Variants in GRB2 observed in about 807,000 individuals in gnomAD.
GRB2 encodes the protein growth factor receptor-bound protein 2.
A neutral mutation model predicts 27.4 loss-of-function variants in GRB2; 2 were observed. The observed-to-expected ratio is 0.07, with a 90% CI of 0.03 to 0.23. GRB2 has a LOEUF of 0.23. Ranked by LOEUF, GRB2 falls within the 10% of genes least tolerant of loss-of-function variation. The pLI is 1.00. For synonymous variants in GRB2, 94 were observed against 99.6 expected (o/e 0.94, Z 0.33); for missense variants, 102 against 282.4 (o/e 0.36, Z 4.58).
At chr17:75,349,596 C>T (rs1047838114) in intron 2 of GRB2, among the ~76,000 whole-genome samples, 2 of 151,498 alleles carry the variant, frequency 1.3e-5, no homozygotes, top group African/African-American at 2.4e-5. Flanking sequence ...CTGCAACCCC[C>T]GCACCCTCTG....
chr17:75,322,429 G>A (rs1051393626), intron 4 of GRB2, among the ~76,000 whole-genome samples: 11 of 150,642 alleles, frequency 7.3e-5, no homozygotes, highest in East Asian at 3.9e-4. Context: ...AAAAACAGCC[G>A]TACTTAAGAC....
intron 2 of GRB2, among the ~76,000 whole-genome samples, chr17:75,342,268 G>A (rs534568159): frequency 4.6e-5 from 7 of 152,194 alleles, no homozygotes; most frequent in Admixed American, 3.9e-4. Flanking sequence ...AATGAAGCTG[G>A]CTCCATACCC....
intron 2 of GRB2, among the ~76,000 whole-genome samples, chr17:75,340,310 T>A (rs1293694109): frequency 6.6e-6 from 1 of 152,228 alleles, no homozygotes; most frequent in Non-Finnish European, 1.5e-5. Context: ...ACACCATTTA[T>A]AGTTGGTCCC....
At chr17:75,374,708 G>A (rs1043933829) in intron 2 of GRB2, among the ~76,000 whole-genome samples, 1 of 151,820 alleles carries the variant, frequency 6.6e-6, no homozygotes, top group Non-Finnish European at 1.5e-5. Context: ...GATCGCTGGA[G>A]CCCAGGAGAT....
At chr17:75,338,320 C>T (rs1184999100) in intron 2 of GRB2, among the ~76,000 whole-genome samples, 1 of 152,144 alleles carries the variant, frequency 6.6e-6, no homozygotes, top group Non-Finnish European at 1.5e-5. Flanking sequence ...CCACCTTGGC[C>T]TCCCAAAGTG....
intron 1 of GRB2, among the ~76,000 whole-genome samples, chr17:75,399,704 C>A (rs1475537775): frequency 6.7e-6 from 1 of 149,528 alleles, no homozygotes; most frequent in Non-Finnish European, 1.5e-5. Context: ...CAGAGTCTCG[C>A]TCTGTCGCCC....
At position 75,328,990 on chromosome 17, in the gene GRB2, T is replaced by C. The variant is rs569243878; in HGVS notation, c.177-2970A>G. The stretch of plus-strand genomic sequence containing the variant: ...AAATAAATAAGGACACTTAACGGTA[T>C]TGAGACCTTCTCAATCGGGGGGCCC... On this transcript the variant is annotated intron_variant, in intron 3 of 5. Transcript: ENST00000316804. Among the ~76,000 whole-genome samples, 22 of 151,940 alleles carry C rather than the reference T, an allele frequency of 1.4e-4. No homozygotes were observed. In the South Asian group the frequency reaches 3.3e-3, roughly 23 times the overall value.
intron 2 of GRB2, among the ~76,000 whole-genome samples, chr17:75,369,645 AG>A (rs2078842777): frequency 6.9e-6 from 1 of 145,976 alleles, no homozygotes; most frequent in Admixed American, 7.2e-5. Context: ...ACTTGAGGTC[AG>A]GGGTTCAAGA....
At chr17:75,329,720 CT>C (rs1376414945) in intron 3 of GRB2, among the ~76,000 whole-genome samples, 11 of 152,146 alleles carry the variant, frequency 7.2e-5, no homozygotes, top group African/African-American at 2.4e-4. Flanking sequence ...CAGTGAGACC[CT>C]GTCTCTACGA....
intron 2 of GRB2, among the ~76,000 whole-genome samples, chr17:75,381,244 T>A (rs556420203): frequency 1.1e-3 from 173 of 152,288 alleles, no homozygotes; most frequent in African/African-American, 4.0e-3. Flanking sequence ...AATGTATACA[T>A]AATGACAATG....
intron 2 of GRB2, chr17:75,387,571 TG>T (rs1244275004): frequency 2.6e-5 from 4 of 151,638 alleles, no homozygotes; most frequent in African/African-American, 9.7e-5. Flanking sequence ...CCGAGGCAGG[TG>T]GATCATTTGA....
chr17:75,328,940 A>AAAATAAATAAATAAATAAAT (rs3047534), intron 3 of GRB2, among the ~76,000 whole-genome samples: 2 of 147,020 alleles, frequency 1.4e-5, no homozygotes, highest in African/African-American at 5.0e-5. Context: ...TCGCTTTCAA[A>AAAATAAATAAATAAATAAAT]AAATAAATAA....
intron 2 of GRB2, among the ~76,000 whole-genome samples, chr17:75,380,086 T>C (rs562724234): frequency 6.6e-5 from 10 of 152,382 alleles, no homozygotes; most frequent in Middle Eastern, 6.8e-3. Context: ...GTCATGTTTC[T>C]AGTTTATCTT....
intron 2 of GRB2, among the ~76,000 whole-genome samples, chr17:75,337,913 T>C (rs1469795): frequency 0.064 from 3,629 of 56,720 alleles, 61 homozygotes; most frequent in Non-Finnish European, 0.16. Context: ...ATTATTATTA[T>C]TATTATTATT....
chr17:75,369,205 A>G (rs2078839828), intron 2 of GRB2, among the ~76,000 whole-genome samples: 1 of 152,232 alleles, frequency 6.6e-6, no homozygotes, highest in Non-Finnish European at 1.5e-5. Flanking sequence ...ATATAAAAAG[A>G]ACATCTTAGA....
At chr17:75,325,596 G>A (rs138213923) in intron 4 of GRB2, among the ~76,000 whole-genome samples, 17 of 152,298 alleles carry the variant, frequency 1.1e-4, no homozygotes, top group Admixed American at 1.3e-4. Context: ...AGAGAGCTGC[G>A]GGAATCCCTT....
At chr17:75,398,648 T>C (rs1016831977) in intron 1 of GRB2, among the ~76,000 whole-genome samples, 1 of 152,240 alleles carries the variant, frequency 6.6e-6, no homozygotes, top group Non-Finnish European at 1.5e-5. Context: ...TACATTATAA[T>C]AATAAAATCA....
chr17:75,367,694 T>G (rs2078828688), intron 2 of GRB2, among the ~76,000 whole-genome samples: 1 of 152,204 alleles, frequency 6.6e-6, no homozygotes, highest in African/African-American at 2.4e-5. Flanking sequence ...TCAAACTTTT[T>G]CCTATGGTTT....
At chr17:75,375,442 ACT>A (rs2078886155) in intron 2 of GRB2, among the ~76,000 whole-genome samples, 2 of 152,220 alleles carry the variant, frequency 1.3e-5, no homozygotes, top group South Asian at 4.1e-4. Context: ...TCTATAGAAG[ACT>A]CTACCCAACA....
Sources: allele counts gnomAD v4.1 joint callset (sites outside exome capture counted in the v4.1 genomes callset), GRCh38; gene constraint gnomAD v4.1.1; transcripts MANE v1.5; gene names NCBI Gene and HGNC (gene_info 2026-07-23, HGNC 2026-07-21).